The following VAV3 variants were observed in gnomAD, a reference collection of about 807,000 sequenced individuals.
VAV3 encodes vav guanine nucleotide exchange factor 3, also known as guanine nucleotide exchange factor VAV3.
A neutral mutation model predicts 131.2 loss-of-function variants in VAV3; 94 were observed. That is an observed-to-expected ratio of 0.72 (90% CI 0.61 to 0.85). The LOEUF is 0.85. Among genes scored for constraint, VAV3 ranks in the 40% least tolerant of loss-of-function variants. The pLI is 0.00. For missense variants in VAV3, 939 were observed against 1,002.7 expected (o/e 0.94, Z 0.86); for synonymous variants, 349 against 342.0 (o/e 1.02, Z -0.22).
rs190912378 is a variant in VAV3, at chr1:107,729,629, G to A, written c.1502+19339C>T. 1.3e-3 allele frequency among the ~76,000 whole-genome samples: 191 copies of A among 152,208 alleles called. 1 individual carries two copies. The highest frequency in any genetic ancestry group is 4.3e-3 in the African/African-American group (177 of 41,534). On this transcript the variant is annotated intron_variant, in intron 15 of 26. Coordinates refer to ENST00000370056, the MANE Select transcript of VAV3 (RefSeq NM_006113.5). The stretch of plus-strand genomic sequence containing the variant: ...TTCAGGCAAGTTACTTACATTTCTG[G>A]TCCTGAATTTTCTCATTTGCTAAAA...
At chr1:107,594,454 A>G (rs992529850) in intron 25 of VAV3, among the ~76,000 whole-genome samples, 1 of 152,138 alleles carries the variant, frequency 6.6e-6, no homozygotes, top group South Asian at 2.1e-4. Context: ...ACAAAAAAAA[A>G]GTTTTAGTGG....
At chr1:107,603,002 T>G in intron 23 of VAV3, 45 bp downstream of exon 23, 1 of 1,517,462 alleles carries the variant, frequency 6.6e-7, no homozygotes, top group Non-Finnish European at 9.1e-7. Context: ...TATGCAATTA[T>G]GAAAACAGGA....
intron 15 of VAV3, among the ~76,000 whole-genome samples, chr1:107,747,246 A>G (rs1214703566): frequency 2.0e-5 from 3 of 152,192 alleles, no homozygotes; most frequent in African/African-American, 7.2e-5. Flanking sequence ...AGTAACTGAC[A>G]TGCCTGTCAT....
chr1:107,926,433 C>G (rs1421839809), intron 1 of VAV3, among the ~76,000 whole-genome samples: 1 of 152,094 alleles, frequency 6.6e-6, no homozygotes, highest in Non-Finnish European at 1.5e-5. Flanking sequence ...TCAAAGACAC[C>G]AATTTAACAA....
chr1:107,581,394 T>G (rs1331792288), intron 25 of VAV3, among the ~76,000 whole-genome samples: 1 of 152,212 alleles, frequency 6.6e-6, no homozygotes, highest in Non-Finnish European at 1.5e-5. Flanking sequence ...GGCTCATAAT[T>G]TAGTGACTTA....
chr1:107,901,025 T>TA (rs1221245513), intron 1 of VAV3, among the ~76,000 whole-genome samples: 2 of 152,116 alleles, frequency 1.3e-5, no homozygotes, highest in Admixed American at 1.3e-4. Context: ...CAATTGGCAA[T>TA]AAGATATGCC....
intron 19 of VAV3, among the ~76,000 whole-genome samples, chr1:107,663,074 A>T (rs534091398): frequency 1.3e-5 from 2 of 152,342 alleles, no homozygotes; most frequent in African/African-American, 4.8e-5. Flanking sequence ...GTAAATCCAC[A>T]TTCTTGTATA....
At chr1:107,944,019 G>T (rs1674127372) in intron 1 of VAV3, among the ~76,000 whole-genome samples, 1 of 152,208 alleles carries the variant, frequency 6.6e-6, no homozygotes, top group Non-Finnish European at 1.5e-5. Context: ...GCTGTGCCTG[G>T]TTTTGACAGT....
rs1225435322 is a variant in VAV3 at position 107,602,408 on chromosome 1, T to A, written c.2209A>T (p.Lys737Ter). 1.3e-6 allele frequency: 2 copies of A among 1,566,892 alleles called. No homozygotes were observed. The highest frequency in any genetic ancestry group is 1.7e-6 in the Non-Finnish European group (2 of 1,162,410). Reference protein sequence around the residue: ...FFHIAENRKFKSLMELVEYYK... With the variant: ...FFHIAENRKF The stretch of plus-strand genomic sequence containing the variant: ...TAATCAATGCTTACCATTAAACTTT[T>A]AAATTTTCTATTTTCTGCAATGTGA... Residue 737 changes from lysine to a stop codon, truncating the protein, a stop_gained, in exon 24 of 27, where the codon AAA (lysine) becomes TAA (stop). Coordinates refer to ENST00000370056, the MANE Select transcript of VAV3 (RefSeq NM_006113.5). LOFTEE classifies it high-confidence loss of function.
At chr1:107,951,822 A>C (rs940107396) in intron 1 of VAV3, among the ~76,000 whole-genome samples, 2 of 151,470 alleles carry the variant, frequency 1.3e-5, no homozygotes, top group Non-Finnish European at 3.0e-5. Flanking sequence ...AAAAAAAAAA[A>C]CATGCTGACA....
chr1:107,961,884 T>C (rs1017224756), intron 1 of VAV3, among the ~76,000 whole-genome samples: 9 of 152,202 alleles, frequency 5.9e-5, no homozygotes, highest in African/African-American at 2.2e-4. Context: ...TTTTTTTAAA[T>C]GCAAACAAGG....
At chr1:107,844,530 G>C (rs1032934810) in intron 2 of VAV3, among the ~76,000 whole-genome samples, 2 of 152,148 alleles carry the variant, frequency 1.3e-5, no homozygotes, top group Non-Finnish European at 2.9e-5. Flanking sequence ...TTGCTCATCA[G>C]ATCCCCTGCC....
At chr1:107,816,575 A>T (rs1557863993) in intron 2 of VAV3, among the ~76,000 whole-genome samples, 1 of 152,226 alleles carries the variant, frequency 6.6e-6, no homozygotes, top group African/African-American at 2.4e-5. Flanking sequence ...CTCCAATGCT[A>T]AATAGGCCTG....
intron 15 of VAV3, among the ~76,000 whole-genome samples, chr1:107,735,146 TC>T (rs1662521857): frequency 1.3e-5 from 2 of 152,220 alleles, no homozygotes; most frequent in South Asian, 4.1e-4. Flanking sequence ...ATAAACATGT[TC>T]TTTGAAACCA....
chr1:107,850,679 C>T (rs979770332), intron 2 of VAV3, among the ~76,000 whole-genome samples: 1 of 151,854 alleles, frequency 6.6e-6, no homozygotes. Flanking sequence ...ATGTAACAAA[C>T]CTGCACATTC....
intron 25 of VAV3, among the ~76,000 whole-genome samples, chr1:107,590,664 G>A (rs1313341193): frequency 6.6e-6 from 1 of 152,014 alleles, no homozygotes; most frequent in Admixed American, 6.6e-5. Flanking sequence ...TCTGTTTCCT[G>A]GATTGTTAAT....
chr1:107,662,455 A>C (rs538720736), intron 19 of VAV3, among the ~76,000 whole-genome samples: 15 of 152,226 alleles, frequency 9.9e-5, no homozygotes, highest in South Asian at 2.1e-4. Flanking sequence ...TCACAGGGAT[A>C]TAAGTTATCT....
intron 2 of VAV3, among the ~76,000 whole-genome samples, chr1:107,874,636 C>T (rs1489702600): frequency 6.6e-6 from 1 of 152,082 alleles, no homozygotes; most frequent in Non-Finnish European, 1.5e-5. Flanking sequence ...GATTCCCTCC[C>T]TGTATACTAT....
rs572023634 is a variant in VAV3, at chr1:107,711,628, T to C, written c.1503-6567A>G. 1.1e-3 allele frequency among the ~76,000 whole-genome samples: 173 copies of C among 152,338 alleles called. 2 individuals are homozygous for C. Among genetic ancestry groups the C allele is most frequent in the African/African-American group, 3.7e-3 (155 of 41,584 alleles). On this transcript the variant is annotated intron_variant, in intron 15 of 26. Transcript: ENST00000370056. Reference sequence around the variant, plus strand: ...GCATGAAAATGTCTAAGAAAAATCCTAACATGAAAAGTTTAGGTTCTATAA... The same window carrying C: ...GCATGAAAATGTCTAAGAAAAATCCCAACATGAAAAGTTTAGGTTCTATAA...
Sources: allele counts gnomAD v4.1 joint callset (sites outside exome capture counted in the v4.1 genomes callset), GRCh38; gene constraint gnomAD v4.1.1; transcripts MANE v1.5; gene names NCBI Gene and HGNC (gene_info 2026-07-23, HGNC 2026-07-21).